Variants in SHROOM2 observed in about 807,000 individuals in gnomAD.
SHROOM2 encodes the protein protein Shroom2.
A neutral mutation model predicts 75.9 loss-of-function variants in SHROOM2; 33 were observed. The observed-to-expected ratio is 0.43, with a 90% CI of 0.33 to 0.58. The LOEUF is 0.58. Among genes scored for constraint, SHROOM2 ranks in the 20% least tolerant of loss-of-function variants. The pLI, the probability that SHROOM2 is intolerant of heterozygous loss-of-function variation, is 0.04. For synonymous variants in SHROOM2, 655 were observed against 663.6 expected (o/e 0.99, Z 0.20); for missense variants, 1,434 against 1,461.2 (o/e 0.98, Z 0.30).
chrX:9,940,075 C>T (rs751468969), intron 8 of SHROOM2, among the ~76,000 whole-genome samples: 3 of 112,372 alleles, frequency 2.7e-5, no homozygotes, highest in East Asian at 5.6e-4. Flanking sequence ...CCACTGCTTC[C>T]GGGCTGGAAG....
intron 1 of SHROOM2, among the ~76,000 whole-genome samples, chrX:9,849,586 C>T (rs192838610): frequency 2.7e-5 from 3 of 111,386 alleles, no homozygotes; most frequent in Non-Finnish European, 1.9e-5. Flanking sequence ...CAGCTTTACA[C>T]GTCGCCTTAG....
At position 9,898,195 on chromosome X, in the gene SHROOM2, T is replaced by C; in HGVS notation, c.2796T>C (p.Ala932=). ...CATTATGTTGCCCTTTGCAGGAAGC[T>C]TCTGTCGAACTGCGAAGGCAGGCAG... ...SPSTDHYKQE[A]SVELRRQAGD... The change falls in exon 5 of 10, where the codon GCT becomes GCC. Residue 932 remains alanine (A), a synonymous_variant. Coordinates refer to ENST00000380913, the MANE Select transcript of SHROOM2 (RefSeq NM_001649.4). 1.7e-6 allele frequency: 2 copies of C among 1,180,938 alleles called. No individual in the cohort carries two copies. The highest frequency in any genetic ancestry group is 2.3e-6 in the Non-Finnish European group (2 of 879,209).
chrX:9,859,855 G>A (rs12847912), intron 1 of SHROOM2, among the ~76,000 whole-genome samples: 63,416 of 109,938 alleles, frequency 0.58, 14,927 homozygotes, highest in Non-Finnish European at 0.75. Context: ...GCTCTTTTGC[G>A]TTGCTGCTAG....
In SHROOM2 at chrX:9,815,434, A is replaced by ATGTGTGTG. The variant is rs56223508; in HGVS notation, c.165+28764_165+28771dup. On this transcript the variant is annotated intron_variant, in intron 1 of 9. Transcript: ENST00000380913. ...AACTAATAGGATAGATATACATATT[A>ATGTGTGTG]TGTGTGTGTGTGTGTGTGTGTGTGT... 6.9e-3 allele frequency among the ~76,000 whole-genome samples: 612 copies of ATGTGTGTG among 88,690 alleles called. 4 individuals carry two copies. The highest frequency in any genetic ancestry group is 0.011 in the Middle Eastern group (2 of 177). 77.0% of individuals were successfully genotyped at this position (88,690 alleles called of 115,157 possible).
At chrX:9,816,688 A>G (rs2083824452) in intron 1 of SHROOM2, among the ~76,000 whole-genome samples, 1 of 111,056 alleles carries the variant, frequency 9.0e-6, no homozygotes, top group African/African-American at 3.3e-5. Context: ...GGGTTCAGAC[A>G]GCGAGCGGGG....
chrX:9,883,644 G>T (rs1461277267), intron 2 of SHROOM2, among the ~76,000 whole-genome samples: 2 of 110,117 alleles, frequency 1.8e-5, no homozygotes, highest in Non-Finnish European at 3.8e-5. Context: ...GGGAGCAGCT[G>T]ATGGTTCTAG....
At chrX:9,897,443 G>A (rs2084338635) in intron 4 of SHROOM2, among the ~76,000 whole-genome samples, 1 of 109,357 alleles carries the variant, frequency 9.1e-6, no homozygotes, top group South Asian at 4.0e-4. Flanking sequence ...AATCCAGGGT[G>A]GGTGCGGTGG....
At chrX:9,840,465 C>T (rs1023566092) in intron 1 of SHROOM2, among the ~76,000 whole-genome samples, 1 of 111,244 alleles carries the variant, frequency 9.0e-6, no homozygotes, top group African/African-American at 3.3e-5. Context: ...GACGGAGTTT[C>T]ACCATGTTGC....
intron 8 of SHROOM2, among the ~76,000 whole-genome samples, chrX:9,941,529 A>T (rs185254685): frequency 4.5e-3 from 506 of 112,112 alleles, no homozygotes; most frequent in Non-Finnish European, 8.0e-3. Flanking sequence ...TTTGCATATG[A>T]CATGTAAAAG....
chrX:9,802,293 G>A (rs2083727762), intron 1 of SHROOM2, among the ~76,000 whole-genome samples: 2 of 111,464 alleles, frequency 1.8e-5, no homozygotes, highest in Non-Finnish European at 3.8e-5. Flanking sequence ...GCATCACCTG[G>A]GAGCTCGTTA....
intron 1 of SHROOM2, among the ~76,000 whole-genome samples, chrX:9,807,091 C>G (rs895040499): frequency 9.0e-6 from 1 of 111,562 alleles, no homozygotes; most frequent in Admixed American, 9.5e-5. Context: ...TCGCAGCTGG[C>G]AAGTGAAGGG....
chrX:9,818,595 C>CT, intron 1 of SHROOM2: 1 of 314,096 alleles, frequency 3.2e-6, no homozygotes. Flanking sequence ...TACCATTGAG[C>CT]TTTTTTGTTG....
At chrX:9,886,690 T>C (rs1209073225) in intron 2 of SHROOM2, among the ~76,000 whole-genome samples, 1 of 110,380 alleles carries the variant, frequency 9.1e-6, no homozygotes, top group Non-Finnish European at 1.9e-5. Context: ...AGTTGAATCA[T>C]ACAGCATTTG....
chrX:9,944,481 G>T (rs1410439560), intron 8 of SHROOM2, among the ~76,000 whole-genome samples, 160 bp from the exon 9 acceptor site: 1 of 112,085 alleles, frequency 8.9e-6, no homozygotes, highest in Admixed American at 9.4e-5. Context: ...TCCCTTAGTC[G>T]TATAAATCCC....
In SHROOM2 at chrX:9,946,841, C is replaced by T; in HGVS notation, c.4755C>T (p.Leu1585=). The T allele has an allele frequency of 8.3e-7, 1 of 1,199,785 alleles. No individual in the cohort carries two copies. The highest frequency in any genetic ancestry group is 1.1e-6 in the Non-Finnish European group (1 of 889,132). Reference sequence around the variant, plus strand: ...ACTTCGTGAAGATGAAGTCGGCCCTCATCATCGAGCAGCGGGAGCTGGAAG... The same window carrying T: ...ACTTCGTGAAGATGAAGTCGGCCCTTATCATCGAGCAGCGGGAGCTGGAAG... ...YEHFVKMKSA[L]IIEQRELEDK... is the part of the protein sequence containing the mutation. The change falls in exon 10 of 10, where the codon CTC becomes CTT. Residue 1585 remains leucine (L), a synonymous_variant. Coordinates refer to ENST00000380913, the MANE Select transcript of SHROOM2 (RefSeq NM_001649.4).
intron 4 of SHROOM2, among the ~76,000 whole-genome samples, chrX:9,896,944 C>T (rs910324435): frequency 8.9e-6 from 1 of 112,488 alleles, no homozygotes; most frequent in African/African-American, 3.2e-5. Context: ...TAATCTCTGG[C>T]TTTAACTGAG....
chrX:9,806,680 A>C (rs368831390), intron 1 of SHROOM2, among the ~76,000 whole-genome samples: 3 of 92,912 alleles, frequency 3.2e-5, no homozygotes, highest in Non-Finnish European at 6.2e-5. Context: ...GTATATATAT[A>C]TATCTGTCTC....
At chrX:9,806,741 TG>T (rs1652831536) in intron 1 of SHROOM2, among the ~76,000 whole-genome samples, 1 of 105,641 alleles carries the variant, frequency 9.5e-6, no homozygotes, top group African/African-American at 3.5e-5. Flanking sequence ...TTTTTTTTTT[TG>T]AGACAGAGTC....
rs768984026 is a variant in SHROOM2 at position 9,932,153 on chromosome X, T to A, written c.2892-22T>A. 5.4e-5 allele frequency: 60 copies of A among 1,108,972 alleles called. No individual in the cohort carries two copies. The Middle Eastern group carries it at 1.5e-3, about 28-fold the overall frequency. 91.4% of individuals were successfully genotyped at this position (1,108,972 alleles called of 1,213,427 possible). ...AGGTATTATTGGAATCGTTGATTAATTTGTACTTGTTCTTCCTCTAGACAA... is the reference window on the plus strand; with the variant it reads ...AGGTATTATTGGAATCGTTGATTAAATTGTACTTGTTCTTCCTCTAGACAA... On this transcript the variant is annotated intron_variant, in intron 5 of 9. Coordinates refer to ENST00000380913, the MANE Select transcript of SHROOM2 (RefSeq NM_001649.4).
Sources: gnomAD v4.1 joint callset for allele counts (sites outside exome capture counted in the v4.1 genomes callset) on GRCh38, gnomAD v4.1.1 for gene constraint, MANE v1.5 for transcripts, NCBI Gene and HGNC (gene_info 2026-07-23, HGNC 2026-07-21) for gene names.